The following PTPN12 variants were observed in gnomAD, a reference collection of about 807,000 sequenced individuals.
PTPN12 encodes the protein tyrosine-protein phosphatase non-receptor type 12.
PTPN12 carries 29 observed loss-of-function variants against 97.6 expected under a neutral mutation model. That is an observed-to-expected ratio of 0.30 (90% CI 0.22 to 0.41). PTPN12 has a LOEUF of 0.41. PTPN12 is among the 10% of genes least tolerant of loss of function. The pLI is 1.00. For synonymous variants in PTPN12, 327 were observed against 300.4 expected (o/e 1.09, Z -0.91); for missense variants, 819 against 926.0 (o/e 0.88, Z 1.50).
chr7:77,639,530 A>G lies in PTPN12; in HGVS notation c.*250A>G, dbSNP rs1351780785. 3 of 425,248 alleles carry G rather than the reference A, an allele frequency of 7.1e-6. No individual in the cohort carries two copies. Among genetic ancestry groups the G allele is most frequent in the African/African-American group, 6.0e-5 (3 of 50,098 alleles). The allele number at this position is 425,248 out of a possible 1,614,324, so 26.3% of individuals were successfully genotyped here. ...ACCCTGTTACACGCTGCTTGTAGAC[A>G]TGTTAATATAGTAATACCTTTATGA... is the stretch of plus-strand genomic sequence containing the variant. On this transcript the variant is annotated 3_prime_UTR_variant, in exon 18 of 18. Transcript: ENST00000248594.
chr7:77,593,377 T>C (rs1051775421), intron 6 of PTPN12, among the ~76,000 whole-genome samples: 4 of 152,088 alleles, frequency 2.6e-5, no homozygotes, highest in Non-Finnish European at 4.4e-5. Flanking sequence ...TGTGTATACA[T>C]TTAAGGAGAT....
intron 1 of PTPN12, among the ~76,000 whole-genome samples, chr7:77,539,333 T>C (rs1003157342): frequency 6.6e-6 from 1 of 152,234 alleles, no homozygotes; most frequent in Non-Finnish European, 1.5e-5. Context: ...ATCTAACTTA[T>C]TCCTTATTAA....
intron 13 of PTPN12, among the ~76,000 whole-genome samples, chr7:77,628,410 C>T (rs1052767580): frequency 3.3e-5 from 5 of 152,138 alleles, no homozygotes; most frequent in Non-Finnish European, 5.9e-5. Context: ...TAAACAGACC[C>T]TAAGGTTGAG....
At chr7:77,613,883 G>A (rs866246882) in intron 11 of PTPN12, among the ~76,000 whole-genome samples, 1 of 151,798 alleles carries the variant, frequency 6.6e-6, no homozygotes, top group Non-Finnish European at 1.5e-5. Context: ...GCAATATTCA[G>A]TGTTTGGGTT....
chr7:77,577,763 T>G (rs1787386320), intron 2 of PTPN12, among the ~76,000 whole-genome samples: 1 of 152,190 alleles, frequency 6.6e-6, no homozygotes, highest in Non-Finnish European at 1.5e-5. Flanking sequence ...AATTTGCCTG[T>G]GTTTTAGAAT....
intron 11 of PTPN12, among the ~76,000 whole-genome samples, chr7:77,617,391 T>C (rs1584198415): frequency 6.6e-6 from 1 of 152,146 alleles, no homozygotes; most frequent in African/African-American, 2.4e-5. Context: ...GGAAGTGATA[T>C]GTATAAAACT....
intron 11 of PTPN12, among the ~76,000 whole-genome samples, chr7:77,614,075 T>TTTGTAGAGCTG: frequency 6.6e-6 from 1 of 151,164 alleles, no homozygotes; most frequent in East Asian, 1.9e-4. Context: ...AAAATTTTTT[T>TTTGTAGAGCTG]TTGTAGAGAT....
At chr7:77,631,007 C>G (rs945139701) in intron 13 of PTPN12, among the ~76,000 whole-genome samples, 1 of 152,098 alleles carries the variant, frequency 6.6e-6, no homozygotes, top group Non-Finnish European at 1.5e-5. Flanking sequence ...TGGAAGATAA[C>G]TGATAGAAAA....
chr7:77,629,907 C>T (rs1360359433), intron 13 of PTPN12, among the ~76,000 whole-genome samples: 1 of 147,578 alleles, frequency 6.8e-6, no homozygotes, highest in East Asian at 2.0e-4. Flanking sequence ...CGTCCCGGCA[C>T]TCTGCCTGGG....
At chr7:77,597,780 G>T in intron 6 of PTPN12, 62 bp from the exon 7 acceptor site, 1 of 1,555,268 alleles carries the variant, frequency 6.4e-7, no homozygotes, top group Non-Finnish European at 8.7e-7. Flanking sequence ...TATTTTATTT[G>T]TTTTGATGTG....
intron 2 of PTPN12, among the ~76,000 whole-genome samples, chr7:77,574,657 C>G (rs546646412): frequency 4.6e-5 from 7 of 152,222 alleles, no homozygotes; most frequent in African/African-American, 1.7e-4. Context: ...GCCCCCTTCC[C>G]CAAACAAAGA....
intron 7 of PTPN12, among the ~76,000 whole-genome samples, chr7:77,599,317 C>CTTTT (rs10624183): frequency 1.9e-4 from 24 of 123,868 alleles, no homozygotes; most frequent in African/African-American, 4.3e-4. Context: ...AGCGCCCCGA[C>CTTTT]TTTTTTTTTT....
intron 12 of PTPN12, among the ~76,000 whole-genome samples, chr7:77,623,567 C>T (rs780851102): frequency 1.1e-4 from 16 of 152,176 alleles, no homozygotes; most frequent in Non-Finnish European, 2.2e-4. Flanking sequence ...AAACATTAGC[C>T]GGGCGTCATG....
chr7:77,582,043 A>G (rs955525447), intron 3 of PTPN12, among the ~76,000 whole-genome samples: 32 of 146,434 alleles, frequency 2.2e-4, no homozygotes, highest in African/African-American at 7.8e-4. Flanking sequence ...TCTCTTTTAT[A>G]ACCTTTGTTT....
intron 8 of PTPN12, 143 bp downstream of exon 8, chr7:77,600,949 T>C (rs1259847021): frequency 1.0e-5 from 7 of 685,728 alleles, no homozygotes; most frequent in South Asian, 2.1e-5. Flanking sequence ...TGTAAGTTGA[T>C]GTGGTCTCAT....
chr7:77,637,944 A>ATTTTTTTTTTTTTTT (rs1421411134), intron 16 of PTPN12, among the ~76,000 whole-genome samples: 1 of 89,500 alleles, frequency 1.1e-5, no homozygotes, highest in Non-Finnish European at 1.9e-5. Flanking sequence ...GATTTCTTAA[A>ATTTTTTTTTTTTTTT]ATTTTTTTTT....
chr7:77,541,079 T>G (rs1221027475), intron 1 of PTPN12, among the ~76,000 whole-genome samples: 2 of 152,150 alleles, frequency 1.3e-5, no homozygotes, highest in African/African-American at 2.4e-5. Flanking sequence ...TTTTTGGTTT[T>G]GTTTTGTTTT....
At chr7:77,634,812 T>A (rs962518685) in intron 14 of PTPN12, among the ~76,000 whole-genome samples, 24 of 152,046 alleles carry the variant, frequency 1.6e-4, no homozygotes, top group Admixed American at 1.0e-3. Context: ...TCTCCTGACC[T>A]CGTGATCGCC....
intron 1 of PTPN12, among the ~76,000 whole-genome samples, chr7:77,552,810 G>A (rs541775781): frequency 1.8e-3 from 278 of 152,312 alleles, no homozygotes; most frequent in Non-Finnish European, 3.0e-3. Context: ...TACTTACTAT[G>A]TAATGTTGAG....
Sources: gnomAD v4.1 joint callset for allele counts (sites outside exome capture counted in the v4.1 genomes callset) on GRCh38, gnomAD v4.1.1 for gene constraint, MANE v1.5 for transcripts, NCBI Gene and HGNC (gene_info 2026-07-23, HGNC 2026-07-21) for gene names.